AHNAK: variants seen among roughly 807,000 people sequenced by gnomAD.
AHNAK encodes AHNAK nucleoprotein.
AHNAK carries 23 observed loss-of-function variants against 37.8 expected under a neutral mutation model. That is an observed-to-expected ratio of 0.61 (90% CI 0.44 to 0.86). The LOEUF (loss-of-function observed/expected upper bound fraction) is 0.86, where lower values mean the gene tolerates loss of function less well. AHNAK is among the 40% of genes least tolerant of loss of function. The pLI, the probability that AHNAK is intolerant of heterozygous loss-of-function variation, is 0.00. For missense variants in AHNAK, 7,411 were observed against 7,319.4 expected, an observed-to-expected ratio of 1.01 and a Z score of -0.46; for synonymous variants, 2,481 against 2,636.3, an observed-to-expected ratio of 0.94 and a Z score of 1.80.
chr11:62,445,655 G>T (rs937059360), intron 5 of AHNAK, among the ~76,000 whole-genome samples: 2 of 152,046 alleles, frequency 1.3e-5, no homozygotes, highest in Admixed American at 6.6e-5. Context: ...GAAGGTCAAG[G>T]CTATAGTGAC....
At chr11:62,440,638 G>A (rs2134779640) in intron 5 of AHNAK, among the ~76,000 whole-genome samples, 1 of 152,206 alleles carries the variant, frequency 6.6e-6, no homozygotes, top group Non-Finnish European at 1.5e-5. Context: ...AATCAGGGGG[G>A]AAATGATGCT....
chr11:62,511,721 A>C (rs1272002129), downstream of AHNAK, among the ~76,000 whole-genome samples: 1 of 152,162 alleles, frequency 6.6e-6, no homozygotes, highest in Non-Finnish European at 1.5e-5. Flanking sequence ...ATAAAAATTC[A>C]AACTTATCAA....
chr11:62,530,386 G>A lies in AHNAK; in HGVS notation c.4031C>T (p.Ser1344Phe). 1 of 1,613,940 alleles carries A rather than the reference G, an allele frequency of 6.2e-7. No homozygotes were observed. Among genetic ancestry groups the A allele is most frequent in the South Asian group, 1.1e-5 (1 of 91,066 alleles). ...GPKLKGDVDVSLPEVEGEMKV... is the reference protein window; with the variant it reads ...GPKLKGDVDVFLPEVEGEMKV... ...CATTTCACCTTCTACCTCAGGCAAG[G>A]ACACATCCACATCTCCCTTCAATTT... Residue 1344 changes from serine to phenylalanine, a missense_variant, in exon 5 of 5, where the codon TCC becomes TTC. Physicochemically the swap from Ser to Phe is radical, Grantham distance 155. Transcript: ENST00000378024.
In AHNAK at chr11:62,516,849, G is replaced by A. The variant is rs1005442315; in HGVS notation, c.17568C>T (p.Ala5856=). The change falls in exon 5 of 5, where the codon GCC becomes GCT. Residue 5856 remains alanine (A), a synonymous_variant. Coordinates refer to ENST00000378024, the MANE Select transcript of AHNAK (RefSeq NM_001620.3). Reference sequence around the variant, plus strand: ...AGGAGGACAGTCGGGACTTCTTAGAGGCCAGGGACACCCCACTCCCCTGTA... The same window carrying A: ...AGGAGGACAGTCGGGACTTCTTAGAAGCCAGGGACACCCCACTCCCCTGTA... ...GKLQGSGVSL[A]SKKSRLSSSS... is the part of the protein sequence containing the mutation. The A allele has an allele frequency of 3.7e-6, 6 of 1,614,016 alleles. No homozygotes were observed. The highest frequency in any genetic ancestry group is 1.7e-5 in the Admixed American group (1 of 60,000).
intron 4 of AHNAK, among the ~76,000 whole-genome samples, chr11:62,502,336 T>A (rs1246276017): frequency 1.3e-5 from 2 of 152,172 alleles, no homozygotes; most frequent in Non-Finnish European, 2.9e-5. Context: ...TCAGCAACCG[T>A]TTATTAGAGA....
rs2134231029 is a variant in AHNAK at position 62,529,097 on chromosome 11, A to T, written c.5320T>A (p.Leu1774Met). 6.2e-7 allele frequency: 1 copy of T among 1,613,498 alleles called. No individual in the cohort carries two copies. Residue 1774 changes from leucine to methionine, a missense_variant, in exon 5 of 5, where the codon TTG becomes ATG. Transcript: ENST00000378024. ...LKGSKFKMPK[L>M]NIKAPKVSMP... ...GAGACCTTGGGAGCTTTTATATTCAACTTGGGCATCTTAAATTTGGAGCCT... is the reference window on the plus strand; with the variant it reads ...GAGACCTTGGGAGCTTTTATATTCATCTTGGGCATCTTAAATTTGGAGCCT...
chr11:62,520,064 T>C lies in AHNAK; in HGVS notation c.14353A>G (p.Met4785Val), dbSNP rs376079877. ...DWHLKMPKVK[M>V]PKFSMPGFKG... ...AAGCCAGGCATGCTGAATTTGGGCA[T>C]TTTCACCTTGGGCATCTTCAGGTGC... is the stretch of plus-strand genomic sequence containing the variant. The change falls in exon 5 of 5, where the codon ATG (methionine) becomes GTG (valine). Residue 4785 changes from methionine to valine, a missense_variant. Coordinates refer to ENST00000378024, the MANE Select transcript of AHNAK (RefSeq NM_001620.3). 77 of 1,612,418 alleles carry C rather than the reference T, an allele frequency of 4.8e-5. No homozygotes were observed. The highest frequency in any genetic ancestry group is 6.3e-5 in the Non-Finnish European group (74 of 1,179,624).
At chr11:62,513,832 ACCACCCACTGACTGTC>A (rs1939958912), downstream of AHNAK, among the ~76,000 whole-genome samples, 1 of 151,984 alleles carries the variant, frequency 6.6e-6, no homozygotes, top group Non-Finnish European at 1.5e-5. Flanking sequence ...CATCCTACCC[ACCACCCACTGACTGTC>A]CCACCCAATG....
intron 3 of AHNAK, 112 bp from the exon 4 acceptor site, chr11:62,535,302 G>T: frequency 1.0e-6 from 1 of 963,796 alleles, no homozygotes; most frequent in Non-Finnish European, 1.6e-6. Flanking sequence ...CACCCTGCAA[G>T]GTGGGCATGG....
chr11:62,479,171 T>C (rs1359079267), intron 5 of AHNAK, among the ~76,000 whole-genome samples: 1 of 145,814 alleles, frequency 6.9e-6, no homozygotes, highest in Non-Finnish European at 1.5e-5. Flanking sequence ...TTTTTTCTTT[T>C]TTTTTTTTTT....
chr11:62,486,973 C>G (rs1409393002), intron 5 of AHNAK, among the ~76,000 whole-genome samples: 1 of 151,852 alleles, frequency 6.6e-6, no homozygotes, highest in African/African-American at 2.4e-5. Context: ...GCGGCAGACT[C>G]CAAATAGACG....
chr11:62,466,605 A>C (rs1938918010), intron 5 of AHNAK, among the ~76,000 whole-genome samples: 1 of 151,736 alleles, frequency 6.6e-6, no homozygotes, highest in African/African-American at 2.4e-5. Context: ...CCTGCCTCCT[A>C]CATATCTAAT....
chr11:62,542,789 T>C (rs1941172257), intron 1 of AHNAK, among the ~76,000 whole-genome samples: 1 of 152,222 alleles, frequency 6.6e-6, no homozygotes, highest in South Asian at 2.1e-4. Context: ...CCACTGGGAT[T>C]AAGACACCAA....
chr11:62,536,148 A>G, intron 2 of AHNAK, 50 bp from the exon 3 acceptor site: 2 of 1,509,106 alleles, frequency 1.3e-6, no homozygotes, highest in Non-Finnish European at 1.8e-6. Context: ...GTGGGAGGAC[A>G]TGAGGGCATG....
At position 62,518,786 on chromosome 11, in the gene AHNAK, C is replaced by T. The variant is rs368546527; in HGVS notation, c.15631G>A (p.Asp5211Asn). ...VNLKGPKIKGDVPSVGLEGPD... is the reference protein window; with the variant it reads ...VNLKGPKIKGNVPSVGLEGPD... ...CCTTCCAGTCCCACGCTGGGGACAT[C>T]ACCCTTTATCTTTGGTCCTTTCAAG... is the stretch of plus-strand genomic sequence containing the variant. The change falls in exon 5 of 5, where the codon GAT becomes AAT. Residue 5211 changes from aspartate to asparagine, a missense_variant. Coordinates refer to ENST00000378024, the MANE Select transcript of AHNAK (RefSeq NM_001620.3). 2.1e-5 allele frequency: 34 copies of T among 1,614,126 alleles called. No homozygotes were observed. Among genetic ancestry groups the T allele is most frequent in the Non-Finnish European group, 2.8e-5 (33 of 1,180,046 alleles).
At chr11:62,484,204 C>T (rs1424509923) in intron 5 of AHNAK, among the ~76,000 whole-genome samples, 1 of 151,828 alleles carries the variant, frequency 6.6e-6, no homozygotes, top group Non-Finnish European at 1.5e-5. Flanking sequence ...TAGTGAAACC[C>T]CATTTCTACA....
At chr11:62,470,371 G>A (rs531017832) in intron 5 of AHNAK, among the ~76,000 whole-genome samples, 206 of 152,208 alleles carry the variant, frequency 1.4e-3, no homozygotes, top group Non-Finnish European at 1.7e-3. Flanking sequence ...GCTTGAACCC[G>A]GGAGGTGGAG....
rs536810067 is a variant in AHNAK, at chr11:62,517,693, C to G, written c.16724G>C (p.Gly5575Ala). 2 of 1,614,070 alleles carry G rather than the reference C, an allele frequency of 1.2e-6. No individual in the cohort carries two copies. The highest frequency in any genetic ancestry group is 1.7e-6 in the Non-Finnish European group (2 of 1,180,042). ...AAGGCTGATGTCTGGGGCACTGACA[C>G]CCCCTGAAACATCCGCACCTCCTTT... Reference protein sequence around the residue: ...KIKGGADVSGGVSAPDISLGE... With the variant: ...KIKGGADVSGAVSAPDISLGE... The change falls in exon 5 of 5, where the codon GGT becomes GCT. Residue 5575 changes from glycine (G) to alanine (A), a missense_variant. Gly to Ala is a moderately conservative substitution (Grantham distance 60). Coordinates refer to ENST00000378024, the MANE Select transcript of AHNAK (RefSeq NM_001620.3).
intron 4 of AHNAK, among the ~76,000 whole-genome samples, chr11:62,502,738 G>A (rs531070341): frequency 6.6e-6 from 1 of 152,348 alleles, no homozygotes; most frequent in Admixed American, 6.5e-5. Flanking sequence ...AAGGCTTCCA[G>A]GAGGAAATGA....
Sources: gnomAD v4.1 joint callset for allele counts (sites outside exome capture counted in the v4.1 genomes callset) on GRCh38, gnomAD v4.1.1 for gene constraint, MANE v1.5 for transcripts, NCBI Gene and HGNC (gene_info 2026-07-23, HGNC 2026-07-21) for gene names.